ACER3: variants seen among roughly 807,000 people sequenced by gnomAD.
ACER3 encodes alkaline ceramidase 3.
In ACER3, 16 loss-of-function variants were observed where a neutral mutation model predicts 48.9. The observed-to-expected ratio is 0.33, with a 90% confidence interval of 0.22 to 0.50. The LOEUF is 0.50. Among genes scored for constraint, ACER3 ranks in the 20% least tolerant of loss-of-function variants. The probability of loss-of-function intolerance (pLI) is 0.98; values close to 1 mark genes in which losing one functional copy is unlikely to be tolerated. For synonymous variants in ACER3, 109 were observed against 107.8 expected, an observed-to-expected ratio of 1.01 and a Z score of -0.07; for missense variants, 227 against 326.0, an observed-to-expected ratio of 0.70 and a Z score of 2.34.
chr11:76,903,094 T>A (rs530214942), intron 1 of ACER3, among the ~76,000 whole-genome samples: 29 of 152,284 alleles, frequency 1.9e-4, no homozygotes, highest in Non-Finnish European at 3.4e-4. Flanking sequence ...TTTTTCTTAA[T>A]TTTTTTATAT....
At chr11:76,949,748 G>A (rs2134974165) in intron 2 of ACER3, among the ~76,000 whole-genome samples, 1 of 152,212 alleles carries the variant, frequency 6.6e-6, no homozygotes, top group Middle Eastern at 3.4e-3. Flanking sequence ...AATGAAAACT[G>A]TTCTATGGTG....
chr11:76,996,672 G>A (rs969501538), intron 6 of ACER3, among the ~76,000 whole-genome samples: 5 of 148,510 alleles, frequency 3.4e-5, no homozygotes, highest in African/African-American at 7.5e-5. Context: ...CACCCACCTC[G>A]GCCTCCCAAA....
chr11:76,968,777 T>G (rs1425346192), intron 3 of ACER3, among the ~76,000 whole-genome samples: 1 of 152,212 alleles, frequency 6.6e-6, no homozygotes, highest in Non-Finnish European at 1.5e-5. Flanking sequence ...CTTTACACCT[T>G]ATACAAAAAT....
At chr11:76,866,946 C>T (rs1340521013) in intron 1 of ACER3, among the ~76,000 whole-genome samples, 1 of 152,162 alleles carries the variant, frequency 6.6e-6, no homozygotes, top group African/African-American at 2.4e-5. Flanking sequence ...TGTGAGCCAT[C>T]ATGCCCAGGC....
Position 76,990,595 on chromosome 11 carries a change from A to G in ACER3, c.438+21A>G, listed in dbSNP as rs184709989. 1.6e-4 allele frequency: 229 copies of G among 1,391,052 alleles called. 1 individual carries two copies. In the African/African-American group the frequency reaches 2.8e-3, roughly 17 times the overall value. 86.2% of individuals were successfully genotyped at this position (1,391,052 alleles called of 1,614,324 possible). A position where few individuals can be genotyped will look rare whatever the true frequency, so the allele number is the denominator to read the frequency against. On this transcript the variant is annotated intron_variant, in intron 6 of 10. Coordinates refer to ENST00000532485, the MANE Select transcript of ACER3 (RefSeq NM_018367.7). The stretch of plus-strand genomic sequence containing the variant: ...ATCAGGTAATTTTTTGTAAATTATT[A>G]CACATTAGATTGTTTACGATACATG...
At chr11:76,942,597 TGAG>T (rs1206970804) in intron 2 of ACER3, among the ~76,000 whole-genome samples, 1 of 152,116 alleles carries the variant, frequency 6.6e-6, no homozygotes, top group Non-Finnish European at 1.5e-5. Context: ...AGTATTTTGT[TGAG>T]GTTTTTTATG....
chr11:77,023,036 G>A lies in ACER3; in HGVS notation c.*2709G>A. 2.5e-6 allele frequency: 1 copy of A among 398,358 alleles called. No individual in the cohort carries two copies. The highest frequency in any genetic ancestry group is 4.4e-6 in the Non-Finnish European group (1 of 225,946). The allele number at this position is 398,358 out of a possible 1,614,324, so 24.7% of individuals were successfully genotyped here. ...TTTTCTAAAGAACAGCTAGGTGAAA[G>A]GAGGTTAAGCTGATTGTCACTCTGC... On this transcript the variant is annotated 3_prime_UTR_variant, in exon 11 of 11. Coordinates refer to ENST00000532485, the MANE Select transcript of ACER3 (RefSeq NM_018367.7).
intron 3 of ACER3, among the ~76,000 whole-genome samples, chr11:76,975,795 C>T (rs1267269061): frequency 1.3e-5 from 2 of 150,904 alleles, no homozygotes; most frequent in African/African-American, 4.9e-5. Context: ...ACTACACACA[C>T]ATACTCAGAG....
intron 9 of ACER3, among the ~76,000 whole-genome samples, chr11:77,019,192 G>A (rs1301627347): frequency 6.6e-6 from 1 of 152,198 alleles, no homozygotes; most frequent in Non-Finnish European, 1.5e-5. Flanking sequence ...CGGGCGCGGT[G>A]GCTCACGCCT....
intron 1 of ACER3, among the ~76,000 whole-genome samples, chr11:76,871,089 A>G (rs1368941396): frequency 6.6e-6 from 1 of 152,170 alleles, no homozygotes; most frequent in Non-Finnish European, 1.5e-5. Context: ...AAAGTTTTCC[A>G]CTTTGCAAGT....
chr11:76,954,237 AC>A (rs1286637323), intron 2 of ACER3, among the ~76,000 whole-genome samples: 2 of 152,094 alleles, frequency 1.3e-5, no homozygotes. Context: ...GTGAGCCACC[AC>A]ACCTGGCCTA....
intron 1 of ACER3, among the ~76,000 whole-genome samples, chr11:76,914,447 C>G (rs1396070975): frequency 6.6e-6 from 1 of 152,170 alleles, no homozygotes; most frequent in African/African-American, 2.4e-5. Context: ...TGAAAAAATG[C>G]TCACCATCAC....
At position 77,019,763 on chromosome 11, in the gene ACER3, G is replaced by T. The variant is rs1555024042; in HGVS notation, c.737G>T (p.Arg246Met). The T allele has an allele frequency of 6.2e-7, 1 of 1,613,952 alleles. No homozygotes were observed. Among genetic ancestry groups the T allele is most frequent in the Non-Finnish European group, 8.5e-7 (1 of 1,179,922 alleles). ...LYTRTLYLRYRPKVKFLFGIW... is the reference protein window; with the variant it reads ...LYTRTLYLRYMPKVKFLFGIW... Reference sequence around the variant, plus strand: ...ACAAGAACACTTTACCTGAGATATAGGCCAAAAGTGAAGGTAAGTCCACTT... The same window carrying T: ...ACAAGAACACTTTACCTGAGATATATGCCAAAAGTGAAGGTAAGTCCACTT... The change falls in exon 10 of 11, where the codon AGG becomes ATG. Residue 246 changes from arginine to methionine, a missense_variant. Transcript: ENST00000532485.
At chr11:76,930,164 G>A (rs1459348563) in intron 2 of ACER3, among the ~76,000 whole-genome samples, 1 of 152,116 alleles carries the variant, frequency 6.6e-6, no homozygotes. Flanking sequence ...GTGTATTCAG[G>A]GATTCAGGTT....
chr11:76,990,676 T>C, intron 6 of ACER3, 102 bp downstream of exon 6: 1 of 773,696 alleles, frequency 1.3e-6, no homozygotes. Flanking sequence ...ATTTTTTTAA[T>C]GAAATGGTAG....
intron 7 of ACER3, among the ~76,000 whole-genome samples, chr11:77,012,003 A>T (rs1241529653): frequency 1.3e-5 from 2 of 152,184 alleles, no homozygotes; most frequent in African/African-American, 2.4e-5. Context: ...TTTAAAAATC[A>T]AGAATAAAAC....
At chr11:77,012,052 G>A (rs568140700) in intron 7 of ACER3, among the ~76,000 whole-genome samples, 1 of 151,888 alleles carries the variant, frequency 6.6e-6, no homozygotes, top group South Asian at 2.1e-4. Context: ...TTATACTGGT[G>A]GAAATCCTAC....
chr11:76,914,896 A>G (rs998191289), intron 1 of ACER3, among the ~76,000 whole-genome samples: 9 of 152,206 alleles, frequency 5.9e-5, no homozygotes, highest in Non-Finnish European at 1.2e-4. Context: ...TGTCCTTTGT[A>G]GGGACATGGA....
intron 3 of ACER3, among the ~76,000 whole-genome samples, chr11:76,966,770 A>G (rs1378861761): frequency 6.6e-6 from 1 of 150,874 alleles, no homozygotes; most frequent in Non-Finnish European, 1.5e-5. Flanking sequence ...GAGAACAAAG[A>G]CACAACATAC....
Sources: allele counts gnomAD v4.1 joint callset (sites outside exome capture counted in the v4.1 genomes callset), GRCh38; gene constraint gnomAD v4.1.1; transcripts MANE v1.5; gene names NCBI Gene and HGNC (gene_info 2026-07-23, HGNC 2026-07-21).